KAZN: variants seen among roughly 807,000 people sequenced by gnomAD.
The protein encoded by KAZN is kazrin, periplakin interacting protein.
A neutral mutation model predicts 87.4 loss-of-function variants in KAZN; 40 were observed. The ratio of observed to expected loss-of-function variants is 0.46; its 90% CI spans 0.36 to 0.60. The LOEUF (loss-of-function observed/expected upper bound fraction) is 0.60. Ranked by LOEUF, KAZN falls within the 20% of genes least tolerant of loss-of-function variation. The pLI is 0.00. For synonymous variants in KAZN, 466 were observed against 458.3 expected, an observed-to-expected ratio of 1.02 and a Z score of -0.22; for missense variants, 898 against 1,073.9, an observed-to-expected ratio of 0.84 and a Z score of 2.29.
chr1:15,041,020 C>T (rs1672837536), intron 3 of KAZN, among the ~76,000 whole-genome samples: 1 of 151,886 alleles, frequency 6.6e-6, no homozygotes, highest in South Asian at 2.1e-4. Flanking sequence ...GCATGATCTC[C>T]ACTCACTGCA....
chr1:14,486,462 G>A (rs908655707), intron 2 of KAZN, among the ~76,000 whole-genome samples: 2 of 152,196 alleles, frequency 1.3e-5, no homozygotes, highest in Non-Finnish European at 2.9e-5. Flanking sequence ...AGGAGGAAAA[G>A]TGAAATTTCA....
At chr1:14,665,932 C>CAAAAAAAAAAAAA (rs60081619) in intron 1 of KAZN, among the ~76,000 whole-genome samples, 1 of 108,044 alleles carries the variant, frequency 9.3e-6, no homozygotes, top group Non-Finnish European at 1.8e-5. Flanking sequence ...AAGCTTTGCT[C>CAAAAAAAAAAAAA]AAAAAAAAAA....
At chr1:13,900,926 T>C (rs1040147047) in intron 1 of KAZN, among the ~76,000 whole-genome samples, 5 of 152,144 alleles carry the variant, frequency 3.3e-5, no homozygotes, top group Admixed American at 2.6e-4. Flanking sequence ...TTAGTGCAAT[T>C]GCTGTATTTT....
At chr1:14,093,180 C>T (rs1349655644) in intron 1 of KAZN, among the ~76,000 whole-genome samples, 3 of 152,170 alleles carry the variant, frequency 2.0e-5, no homozygotes, top group African/African-American at 4.8e-5. Context: ...CAGCCACTGC[C>T]CGTCAAGAAA....
chr1:15,064,660 C>A lies in KAZN; in HGVS notation c.1099-970C>A, dbSNP rs10927663. On this transcript the variant is annotated intron_variant, in intron 7 of 14. Transcript: ENST00000376030. Reference sequence around the variant, plus strand: ...AGAGTCATGATCAGAAATGGAGCCCCCGGTGGCCATACTGTCTCCTGTCCA... The same window carrying A: ...AGAGTCATGATCAGAAATGGAGCCCACGGTGGCCATACTGTCTCCTGTCCA... Among the ~76,000 whole-genome samples, 5 of 152,190 alleles carry A rather than the reference C, an allele frequency of 3.3e-5. No homozygotes were observed. In the East Asian group the frequency reaches 5.8e-4, roughly 18 times the overall value.
At chr1:14,581,846 G>A (rs924803488) in intron 2 of KAZN, among the ~76,000 whole-genome samples, 6 of 152,028 alleles carry the variant, frequency 3.9e-5, no homozygotes, top group African/African-American at 1.4e-4. Flanking sequence ...GATAAGTCAG[G>A]TTCCCCAACC....
chr1:14,591,776 C>A (rs1676217882), intron 2 of KAZN, among the ~76,000 whole-genome samples: 1 of 152,160 alleles, frequency 6.6e-6, no homozygotes, highest in Non-Finnish European at 1.5e-5. Flanking sequence ...TGTGTCCACA[C>A]TGATATATAC....
chr1:13,980,754 G>A (rs1408600354), intron 1 of KAZN, among the ~76,000 whole-genome samples: 1 of 152,152 alleles, frequency 6.6e-6, no homozygotes, highest in Non-Finnish European at 1.5e-5. Flanking sequence ...TGTGGTTGTA[G>A]TCAGACAGCA....
intron 2 of KAZN, among the ~76,000 whole-genome samples, chr1:14,426,226 C>T (rs906118950): frequency 6.6e-6 from 1 of 152,176 alleles, no homozygotes; most frequent in Non-Finnish European, 1.5e-5. Flanking sequence ...ATGCAACTGG[C>T]TCCCATAATG....
At chr1:15,016,805 T>C (rs546935116) in intron 2 of KAZN, among the ~76,000 whole-genome samples, 43 of 152,298 alleles carry the variant, frequency 2.8e-4, no homozygotes, top group African/African-American at 9.9e-4. Flanking sequence ...CCTCTCGGCA[T>C]GTATGGCAGC....
At chr1:14,610,621 C>T (rs1009528334) in intron 1 of KAZN, among the ~76,000 whole-genome samples, 2 of 152,106 alleles carry the variant, frequency 1.3e-5, no homozygotes, top group Non-Finnish European at 2.9e-5. Flanking sequence ...AGGAATTACA[C>T]CAGGAGAATG....
chr1:14,792,867 T>G (rs1368000264), intron 1 of KAZN, among the ~76,000 whole-genome samples: 2 of 151,726 alleles, frequency 1.3e-5, no homozygotes, highest in Non-Finnish European at 2.9e-5. Flanking sequence ...TCCCAGCTAC[T>G]TGGGAGGCCG....
At chr1:14,368,282 C>CAGTG (rs1660177896) in intron 2 of KAZN, among the ~76,000 whole-genome samples, 1 of 152,170 alleles carries the variant, frequency 6.6e-6, no homozygotes, top group African/African-American at 2.4e-5. Flanking sequence ...TGGAAGGCAG[C>CAGTG]AGTGACCCCA....
chr1:13,952,114 G>C (rs1354135713), intron 1 of KAZN, among the ~76,000 whole-genome samples: 2 of 151,992 alleles, frequency 1.3e-5, no homozygotes, highest in Admixed American at 1.3e-4. Context: ...CTTCTTATTT[G>C]AGCAGGAAAA....
chr1:14,900,236 G>A (rs1655712613), intron 1 of KAZN, among the ~76,000 whole-genome samples: 1 of 152,142 alleles, frequency 6.6e-6, no homozygotes, highest in African/African-American at 2.4e-5. Flanking sequence ...TACTTCTTAG[G>A]GAGCCATCAT....
At chr1:15,024,139 G>A (rs1670953825) in intron 2 of KAZN, among the ~76,000 whole-genome samples, 2 of 152,120 alleles carry the variant, frequency 1.3e-5, no homozygotes, top group South Asian at 4.1e-4. Context: ...GCCTGTGGTT[G>A]GACTGAAGCC....
At chr1:14,848,496 ATT>A (rs1649042494) in intron 1 of KAZN, among the ~76,000 whole-genome samples, 1 of 152,212 alleles carries the variant, frequency 6.6e-6, no homozygotes, top group Non-Finnish European at 1.5e-5. Flanking sequence ...AATGAAGCCA[ATT>A]ATCATTGCTA....
intron 2 of KAZN, among the ~76,000 whole-genome samples, chr1:14,445,793 G>T (rs1397999726): frequency 2.6e-5 from 4 of 152,166 alleles, no homozygotes; most frequent in African/African-American, 4.8e-5. Context: ...AAGATGAGAG[G>T]GAGCCGGGGT....
chr1:14,327,628 T>C (rs1656533030), intron 2 of KAZN, among the ~76,000 whole-genome samples: 1 of 152,204 alleles, frequency 6.6e-6, no homozygotes, highest in South Asian at 2.1e-4. Context: ...TGAACACAAG[T>C]GCCCATCAAT....
Sources: allele counts gnomAD v4.1 joint callset (sites outside exome capture counted in the v4.1 genomes callset), GRCh38; gene constraint gnomAD v4.1.1; transcripts MANE v1.5; gene names NCBI Gene and HGNC (gene_info 2026-07-23, HGNC 2026-07-21).